TAFA5: variants seen among roughly 807,000 people sequenced by gnomAD.
TAFA5 encodes the protein TAFA chemokine like family member 5.
Under a neutral mutation model 15.3 loss-of-function variants are expected in TAFA5, and 6 were observed. The ratio of observed to expected loss-of-function variants is 0.39; its 90% CI spans 0.21 to 0.77. The LOEUF is 0.77. Ranked by LOEUF, TAFA5 falls within the 30% of genes least tolerant of loss-of-function variation. The pLI, the probability that TAFA5 is intolerant of heterozygous loss-of-function variation, is 0.41. For synonymous variants in TAFA5, 103 were observed against 80.7 expected (o/e 1.28, Z -1.48); for missense variants, 161 against 193.1 (o/e 0.83, Z 0.98).
At chr22:48,595,071 C>T (rs991219912) in intron 1 of TAFA5, among the ~76,000 whole-genome samples, 9 of 152,248 alleles carry the variant, frequency 5.9e-5, no homozygotes, top group Admixed American at 2.0e-4. Context: ...AGCCTGTGAC[C>T]GGGTGGTGGT....
chr22:48,620,396 A>G (rs773072255), intron 1 of TAFA5, among the ~76,000 whole-genome samples: 18 of 152,126 alleles, frequency 1.2e-4, no homozygotes, highest in Non-Finnish European at 2.2e-4. Context: ...TAATTGTCTC[A>G]GAATGGCCCA....
rs115525902 is a variant in TAFA5, at chr22:48,644,856, G to A, written c.113-1741G>A. 7.8e-3 allele frequency among the ~76,000 whole-genome samples: 1,194 copies of A among 152,310 alleles called. 14 individuals carry two copies. Among genetic ancestry groups the A allele is most frequent in the African/African-American group, 0.027 (1,111 of 41,576 alleles). On this transcript the variant is annotated intron_variant, in intron 1 of 3. Transcript: ENST00000402357. ...CCTTCGTCCCTCACGCACCCACCAC[G>A]GCTTTCCTCGGAGTCACCTCCCTGC...
At chr22:48,660,179 A>G (rs935727367) in intron 2 of TAFA5, among the ~76,000 whole-genome samples, 1 of 152,124 alleles carries the variant, frequency 6.6e-6, no homozygotes, top group Non-Finnish European at 1.5e-5. Context: ...CTCTAAACTC[A>G]TTGTCTTCGG....
chr22:48,525,609 C>G (rs980387567), intron 1 of TAFA5, among the ~76,000 whole-genome samples: 20 of 152,318 alleles, frequency 1.3e-4, no homozygotes, highest in Admixed American at 5.9e-4. Flanking sequence ...CATCCGAATT[C>G]CCTGGGGGCT....
At chr22:48,589,254 G>T (rs754835150) in intron 1 of TAFA5, among the ~76,000 whole-genome samples, 1 of 152,214 alleles carries the variant, frequency 6.6e-6, no homozygotes, top group Non-Finnish European at 1.5e-5. Context: ...GTGGCCAGGG[G>T]GTGACTGGCT....
intron 1 of TAFA5, among the ~76,000 whole-genome samples, chr22:48,622,381 A>G (rs1044161793): frequency 6.6e-6 from 1 of 152,282 alleles, no homozygotes; most frequent in African/African-American, 2.4e-5. Flanking sequence ...TCTGCCCCAG[A>G]CGCTTGTTAG....
At chr22:48,656,755 CTTTTTTTTT>C (rs1223042941) in intron 2 of TAFA5, among the ~76,000 whole-genome samples, 2 of 14,884 alleles carry the variant, frequency 1.3e-4, no homozygotes, top group African/African-American at 2.8e-4. Context: ...GATGGAGTCT[CTTTTTTTTT>C]TTTTTTTTTT....
intron 2 of TAFA5, among the ~76,000 whole-genome samples, chr22:48,689,346 A>G (rs886119298): frequency 6.6e-6 from 1 of 152,070 alleles, no homozygotes; most frequent in African/African-American, 2.4e-5. Context: ...TCTCGGGTCC[A>G]CATCTGGAGC....
intron 3 of TAFA5, among the ~76,000 whole-genome samples, chr22:48,722,244 A>T (rs1929590112): frequency 6.6e-6 from 1 of 152,190 alleles, no homozygotes; most frequent in African/African-American, 2.4e-5. Flanking sequence ...AATTGGCGTG[A>T]GGTGGTATCT....
chr22:48,581,489 C>G (rs141746890), intron 1 of TAFA5, among the ~76,000 whole-genome samples: 1 of 152,206 alleles, frequency 6.6e-6, no homozygotes, highest in Non-Finnish European at 1.5e-5. Context: ...ATTCCCCACT[C>G]GGTGGTCTGG....
chr22:48,652,975 G>A (rs533321633), intron 2 of TAFA5, among the ~76,000 whole-genome samples: 14 of 152,300 alleles, frequency 9.2e-5, no homozygotes, highest in South Asian at 2.1e-4. Flanking sequence ...CTTGGGGTCC[G>A]TGCTTTGTGG....
chr22:48,492,920 T>C (rs577850709), intron 1 of TAFA5, among the ~76,000 whole-genome samples: 3 of 152,212 alleles, frequency 2.0e-5, no homozygotes, highest in African/African-American at 7.2e-5. Context: ...CTTAGCGTAT[T>C]TGGAGTAGAG....
At chr22:48,517,401 G>A (rs746129756) in intron 1 of TAFA5, among the ~76,000 whole-genome samples, 2 of 152,286 alleles carry the variant, frequency 1.3e-5, no homozygotes, top group South Asian at 2.1e-4. Flanking sequence ...AAGATGGGAA[G>A]CAGCCCTGAC....
intron 1 of TAFA5, among the ~76,000 whole-genome samples, chr22:48,645,840 C>T (rs1926840526): frequency 6.6e-6 from 1 of 152,168 alleles, no homozygotes; most frequent in South Asian, 2.1e-4. Context: ...TGTGCTCACA[C>T]CTGGGTGCCA....
chr22:48,568,656 G>A (rs947771642), intron 1 of TAFA5, among the ~76,000 whole-genome samples: 7 of 152,236 alleles, frequency 4.6e-5, no homozygotes, highest in East Asian at 1.9e-4. Flanking sequence ...TGCAGTGGGC[G>A]TCAGTGAGGA....
At chr22:48,607,670 G>A (rs890164438) in intron 1 of TAFA5, among the ~76,000 whole-genome samples, 3 of 152,120 alleles carry the variant, frequency 2.0e-5, no homozygotes, top group African/African-American at 7.2e-5. Flanking sequence ...CCCAGGTTCT[G>A]ATTAGGGCTG....
At chr22:48,706,583 C>T (rs1929085606) in intron 2 of TAFA5, among the ~76,000 whole-genome samples, 1 of 152,200 alleles carries the variant, frequency 6.6e-6, no homozygotes, top group Admixed American at 6.5e-5. Context: ...AATCTCCCGC[C>T]ATAGGGTTGA....
chr22:48,538,005 C>T (rs952163416), intron 1 of TAFA5, among the ~76,000 whole-genome samples: 4 of 152,212 alleles, frequency 2.6e-5, no homozygotes, highest in East Asian at 1.9e-4. Flanking sequence ...CTGTCACCAG[C>T]GCACGGTCAG....
At chr22:48,613,513 G>T (rs949860549) in intron 1 of TAFA5, among the ~76,000 whole-genome samples, 8 of 152,178 alleles carry the variant, frequency 5.3e-5, no homozygotes, top group Non-Finnish European at 1.0e-4. Flanking sequence ...CTCATCTCCT[G>T]AGCTTGGGGT....
Sources: allele counts gnomAD v4.1 joint callset (sites outside exome capture counted in the v4.1 genomes callset), GRCh38; gene constraint gnomAD v4.1.1; transcripts MANE v1.5; gene names NCBI Gene and HGNC (gene_info 2026-07-23, HGNC 2026-07-21).